ACSL6: variants seen among roughly 807,000 people sequenced by gnomAD.
The protein encoded by ACSL6 is acyl-CoA synthetase long chain family member 6, also known as long-chain-fatty-acid--CoA ligase 6.
A neutral mutation model predicts 98.2 loss-of-function variants in ACSL6; 47 were observed. The ratio of observed to expected loss-of-function variants is 0.48; its 90% CI spans 0.38 to 0.61. The LOEUF is 0.61. Among genes scored for constraint, ACSL6 ranks in the 20% least tolerant of loss-of-function variants. ACSL6 has a pLI of 0.00. For missense variants in ACSL6, 761 were observed against 913.4 expected (o/e 0.83, Z 2.15); for synonymous variants, 362 against 336.9 (o/e 1.07, Z -0.82).
In ACSL6 at chr5:132,011,391, G is replaced by T; in HGVS notation, c.49+114C>A. On this transcript the variant is annotated intron_variant, in intron 1 of 20. Transcript: ENST00000651883. The surrounding 1 kb of genome is among the most constrained non-coding windows in gnomAD (Gnocchi z 5.4). Reference sequence around the variant, plus strand: ...CTGGGGACCTTGACGGGACAGCTCAGCAGCAGGGGATGGGGGCTCGGCGGC... The same window carrying T: ...CTGGGGACCTTGACGGGACAGCTCATCAGCAGGGGATGGGGGCTCGGCGGC... 8.6e-7 allele frequency: 1 copy of T among 1,167,900 alleles called. No individual in the cohort carries two copies. Among genetic ancestry groups the T allele is most frequent in the Non-Finnish European group, 1.3e-6 (1 of 792,164 alleles). 72.3% of individuals were successfully genotyped at this position (1,167,900 alleles called of 1,614,324 possible).
chr5:132,011,087 C>T lies in ACSL6; in HGVS notation c.49+418G>A, dbSNP rs1755700337. Among the ~76,000 whole-genome samples, 1 of 152,174 alleles carries T rather than the reference C, an allele frequency of 6.6e-6. No individual in the cohort carries two copies. Among genetic ancestry groups the T allele is most frequent in the Non-Finnish European group, 1.5e-5 (1 of 68,014 alleles). ...AGGAAGCCTAGGTCAGTCCGGGTTACATAGCTGACCTGCTGTGGGACCTCG... is the reference window on the plus strand; with the variant it reads ...AGGAAGCCTAGGTCAGTCCGGGTTATATAGCTGACCTGCTGTGGGACCTCG... On this transcript the variant is annotated intron_variant, in intron 1 of 20. Transcript: ENST00000651883. The surrounding 1 kb of genome is among the most constrained non-coding windows in gnomAD (Gnocchi z 5.4).
chr5:131,964,615 G>A (rs1478068458), intron 17 of ACSL6, among the ~76,000 whole-genome samples: 1 of 152,186 alleles, frequency 6.6e-6, no homozygotes, highest in Non-Finnish European at 1.5e-5. Context: ...TTACAATATT[G>A]AGGGCCCTTT....
At chr5:131,974,626 C>T (rs1753514463) in intron 11 of ACSL6, 3 of 1,017,048 alleles carry the variant, frequency 2.9e-6, no homozygotes, top group African/African-American at 1.6e-5. Flanking sequence ...GTCCTCTGAG[C>T]CCTCTGACCC....
At chr5:131,961,481 T>A (rs1381939390) in intron 18 of ACSL6, among the ~76,000 whole-genome samples, 1 of 149,704 alleles carries the variant, frequency 6.7e-6, no homozygotes, top group Non-Finnish European at 1.5e-5. Flanking sequence ...ACACTTGAGG[T>A]CAGGAGTTCA....
In ACSL6 at chr5:131,954,246, T is replaced by C; in HGVS notation, c.2157A>G (p.Ser719=). 1.9e-6 allele frequency: 3 copies of C among 1,612,180 alleles called. No homozygotes were observed. The highest frequency in any genetic ancestry group is 1.7e-6 in the Non-Finnish European group (2 of 1,179,386). The change falls in exon 21 of 21, where the codon TCA becomes TCG. Residue 719 remains serine (S), a synonymous_variant. Transcript: ENST00000651883. ...YFKKQIEELY[S]ISM ...CTTTCCTTGAACTTCACATGGAGATTGAGTAAAGCTCTTCTATTTGTTTTT... is the reference window on the plus strand; with the variant it reads ...CTTTCCTTGAACTTCACATGGAGATCGAGTAAAGCTCTTCTATTTGTTTTT...
At chr5:131,983,272 C>T (rs1196026799) in intron 9 of ACSL6, 1 of 152,202 alleles carries the variant, frequency 6.6e-6, no homozygotes, top group Non-Finnish European at 1.5e-5. Context: ...ACCCCTCAGC[C>T]ATCACTGGGT....
chr5:131,997,800 T>C (rs1194663877), intron 1 of ACSL6, among the ~76,000 whole-genome samples: 2 of 152,234 alleles, frequency 1.3e-5, no homozygotes, highest in Non-Finnish European at 2.9e-5. Context: ...AGGCTGGGCC[T>C]GTACCCCACC....
chr5:131,993,366 G>A (rs1234762700), intron 2 of ACSL6: 1 of 154,420 alleles, frequency 6.5e-6, no homozygotes, highest in African/African-American at 2.4e-5. Context: ...ATCAGGGGAA[G>A]AGAACTGGGA....
intron 6 of ACSL6, chr5:131,988,435 C>T: frequency 2.1e-6 from 3 of 1,406,826 alleles, no homozygotes; most frequent in Non-Finnish European, 2.9e-6. Flanking sequence ...ATGGAACCTC[C>T]TCAAGCAGAG....
At chr5:131,990,269 T>C (rs1754434102) in intron 3 of ACSL6, 105 bp from the exon 4 acceptor site, 14 of 1,151,532 alleles carry the variant, frequency 1.2e-5, no homozygotes, top group Admixed American at 2.0e-5. Context: ...CTGTAGTGTG[T>C]CCATGGGCCA....
chr5:131,995,909 G>C (rs1754771816), intron 1 of ACSL6, among the ~76,000 whole-genome samples: 1 of 152,224 alleles, frequency 6.6e-6, no homozygotes, highest in African/African-American at 2.4e-5. Flanking sequence ...TAAAGAGATG[G>C]TTAAAGTATA....
chr5:131,954,774 A>G (rs569455737), intron 20 of ACSL6, among the ~76,000 whole-genome samples: 1 of 152,322 alleles, frequency 6.6e-6, no homozygotes, highest in East Asian at 1.9e-4. Context: ...AGAGACAGTC[A>G]GGGAAGACTT....
chr5:132,011,878 C>A, upstream of ACSL6: 5 of 1,541,612 alleles, frequency 3.2e-6, no homozygotes, highest in Non-Finnish European at 4.4e-6. This position sits in a 1 kb window ranked among gnomAD's most constrained non-coding sequence, Gnocchi z 5.4. Flanking sequence ...GCAGAGCGAA[C>A]CAGCCCTCTC....
upstream of ACSL6, chr5:132,011,912 AC>A (rs749590088): frequency 6.4e-7 from 1 of 1,556,970 alleles, no homozygotes; most frequent in South Asian, 1.2e-5. The surrounding 1 kb of genome is among the most constrained non-coding windows in gnomAD (Gnocchi z 5.4). Context: ...CAACGTCAGT[AC>A]CTGGCATTCT....
intron 1 of ACSL6, chr5:131,994,665 G>C: frequency 4.0e-6 from 1 of 252,710 alleles, no homozygotes; most frequent in East Asian, 9.9e-5. Flanking sequence ...GGAGAAGAGG[G>C]AAGGGCAGCA....
rs2126898986 is a variant in ACSL6 at position 131,990,114 on chromosome 5, G to A, written c.436C>T (p.Leu146=). The change falls in exon 4 of 21, where the codon CTG becomes TTG. Residue 146 remains leucine (L), a synonymous_variant. Coordinates refer to ENST00000651883, the MANE Select transcript of ACSL6 (RefSeq NM_001009185.3). The part of the protein sequence containing the change: ...FRKPKQPYQW[L]SYQEVADRAE... ...GTATCACTCACCTCCTGGTAGGACA[G>A]CCACTGGTAAGGCTGCTTAGGCTTC... 1 of 1,613,920 alleles carries A rather than the reference G, an allele frequency of 6.2e-7. No homozygotes were observed. Among genetic ancestry groups the A allele is most frequent in the Middle Eastern group, 1.7e-4 (1 of 5,942 alleles).
At chr5:131,976,938 C>G (rs1753653679) in intron 9 of ACSL6, among the ~76,000 whole-genome samples, 1 of 152,208 alleles carries the variant, frequency 6.6e-6, no homozygotes, top group Non-Finnish European at 1.5e-5. Flanking sequence ...AGCATGGGAC[C>G]AGGAGGCAGG....
chr5:131,979,295 A>C (rs996195005), intron 9 of ACSL6, among the ~76,000 whole-genome samples: 26 of 152,332 alleles, frequency 1.7e-4, no homozygotes, highest in African/African-American at 6.0e-4. Context: ...AACACTAGGT[A>C]TGAAATCAGA....
chr5:132,009,479 G>C (rs1755594236), intron 1 of ACSL6, among the ~76,000 whole-genome samples: 1 of 152,190 alleles, frequency 6.6e-6, no homozygotes, highest in Non-Finnish European at 1.5e-5. Flanking sequence ...AAAGGCTGGG[G>C]GCCAGGTGGA....
Sources: gnomAD v4.1 joint callset for allele counts (sites outside exome capture counted in the v4.1 genomes callset) on GRCh38, gnomAD v4.1.1 for gene constraint, Gnocchi (gnomAD v3.1) non-coding constraint, MANE v1.5 for transcripts, NCBI Gene and HGNC (gene_info 2026-07-23, HGNC 2026-07-21) for gene names.